ZDHHC14: variants seen among roughly 807,000 people sequenced by gnomAD.
ZDHHC14 encodes palmitoyltransferase ZDHHC14.
In ZDHHC14, 16 loss-of-function variants were observed where a neutral mutation model predicts 47.7. That is an observed-to-expected ratio of 0.34 (90% CI 0.23 to 0.51). The LOEUF (loss-of-function observed/expected upper bound fraction) is 0.51. ZDHHC14 is among the 20% of genes least tolerant of loss of function. The probability of loss-of-function intolerance (pLI) is 0.97; values close to 1 mark genes in which losing one functional copy is unlikely to be tolerated. For missense variants in ZDHHC14, 515 were observed against 662.5 expected (o/e 0.78, Z 2.44); for synonymous variants, 293 against 278.9 (o/e 1.05, Z -0.50).
At chr6:157,395,454 C>T (rs955090682) in intron 1 of ZDHHC14, among the ~76,000 whole-genome samples, 8 of 151,912 alleles carry the variant, frequency 5.3e-5, no homozygotes, top group Non-Finnish European at 1.2e-4. Flanking sequence ...GTGTGAGCCA[C>T]CACACCTAGC....
At chr6:157,399,531 C>T (rs960676491) in intron 1 of ZDHHC14, among the ~76,000 whole-genome samples, 1 of 152,190 alleles carries the variant, frequency 6.6e-6, no homozygotes, top group African/African-American at 2.4e-5. Context: ...GACACAAAAA[C>T]AGTTGTTGTT....
chr6:157,632,774 G>C, intron 4 of ZDHHC14, 60 bp from the exon 5 acceptor site: 1 of 1,468,102 alleles, frequency 6.8e-7, no homozygotes, highest in Non-Finnish European at 9.6e-7. Context: ...GTAGATGAGA[G>C]AGCATTCAGC....
intron 1 of ZDHHC14, among the ~76,000 whole-genome samples, chr6:157,421,492 C>CAAAAA (rs147380621): frequency 8.8e-5 from 5 of 56,702 alleles, no homozygotes; most frequent in Admixed American, 2.8e-4. Flanking sequence ...GACTCCGTCT[C>CAAAAA]AAAAAAAAAA....
At chr6:157,491,721 C>T (rs1779921505) in intron 1 of ZDHHC14, among the ~76,000 whole-genome samples, 1 of 152,324 alleles carries the variant, frequency 6.6e-6, no homozygotes, top group Admixed American at 6.5e-5. Flanking sequence ...TTGAGTCTCA[C>T]TAACAGGACG....
intron 2 of ZDHHC14, among the ~76,000 whole-genome samples, chr6:157,560,285 C>G (rs546610341): frequency 5.9e-5 from 9 of 152,366 alleles, no homozygotes; most frequent in African/African-American, 2.2e-4. Flanking sequence ...AGCTACAGTA[C>G]ACCTTCTTCA....
At position 157,674,574 on chromosome 6, in the gene ZDHHC14, G is replaced by A. The variant is rs1185874682; in HGVS notation, c.*1452G>A. On this transcript the variant is annotated 3_prime_UTR_variant, in exon 9 of 9. Transcript: ENST00000359775. Reference sequence around the variant, plus strand: ...AAATCTAACAGCTAAAGCTACTCAAGTTCAAAGCCATGGCCTTGCTCCTTA... The same window carrying A: ...AAATCTAACAGCTAAAGCTACTCAAATTCAAAGCCATGGCCTTGCTCCTTA... The A allele has an allele frequency of 6.6e-6, 1 of 152,166 alleles. No homozygotes were observed. Among genetic ancestry groups the A allele is most frequent in the Admixed American group, 6.5e-5 (1 of 15,274 alleles). The allele number at this position is 152,166 out of a possible 1,614,324, so 9.4% of individuals were successfully genotyped here.
chr6:157,553,068 G>A (rs1422119361), intron 2 of ZDHHC14, among the ~76,000 whole-genome samples: 2 of 152,224 alleles, frequency 1.3e-5, no homozygotes, highest in Non-Finnish European at 2.9e-5. Flanking sequence ...GCAAGGAACA[G>A]TGGGAATTTA....
At chr6:157,453,591 A>G (rs1319213275) in intron 1 of ZDHHC14, among the ~76,000 whole-genome samples, 1 of 152,220 alleles carries the variant, frequency 6.6e-6, no homozygotes, top group Non-Finnish European at 1.5e-5. Context: ...TCATTCATAC[A>G]GTGAATGTTT....
At position 157,536,893 on chromosome 6, in the gene ZDHHC14, A is replaced by G. The variant is rs1202267290; in HGVS notation, c.246-5692A>G. On this transcript the variant is annotated intron_variant, in intron 1 of 8. Coordinates refer to ENST00000359775, the MANE Select transcript of ZDHHC14 (RefSeq NM_024630.3). ...GAGTGCAGTGGCGGGATCTCGGCTC[A>G]CTGCAAGCTCCGCCTCCCGGGTTCA... Among the ~76,000 whole-genome samples the G allele has an allele frequency of 1.2e-4, 12 of 101,056 alleles. 3 individuals are homozygous for G. In the South Asian group the frequency reaches 3.8e-3, roughly 32 times the overall value. 66.3% of individuals were successfully genotyped at this position (101,056 alleles called of 152,430 possible). A position where few individuals can be genotyped will look rare whatever the true frequency, so the allele number is the denominator to read the frequency against.
At position 157,676,780 on chromosome 6, in the gene ZDHHC14, TTC is replaced by T. The variant is rs1778977144; in HGVS notation, c.*3662_*3663del. On this transcript the variant is annotated 3_prime_UTR_variant, in exon 9 of 9. Transcript: ENST00000359775. ...CACCTGACTACCCTGCAGCAAACGC[TTC>T]TCTGTAACCTGACTTCTCCCTTCAG... 1 of 152,318 alleles carries T rather than the reference TTC, an allele frequency of 6.6e-6. No individual in the cohort carries two copies. Among genetic ancestry groups the T allele is most frequent in the Non-Finnish European group, 1.5e-5 (1 of 68,118 alleles). 9.4% of individuals were successfully genotyped at this position (152,318 alleles called of 1,614,324 possible). A position where few individuals can be genotyped will look rare whatever the true frequency, so the allele number is the denominator to read the frequency against.
chr6:157,529,280 A>G (rs1781281130), intron 1 of ZDHHC14: 1 of 154,480 alleles, frequency 6.5e-6, no homozygotes, highest in African/African-American at 2.4e-5. Flanking sequence ...GGAATTTTAG[A>G]AAGTTTATCT....
intron 1 of ZDHHC14, among the ~76,000 whole-genome samples, chr6:157,456,415 C>T (rs953653182): frequency 6.6e-6 from 1 of 152,176 alleles, no homozygotes; most frequent in Non-Finnish European, 1.5e-5. Context: ...TCCAGGCTCT[C>T]CCTAGTCATA....
intron 3 of ZDHHC14, among the ~76,000 whole-genome samples, chr6:157,608,943 C>T (rs1287457682): frequency 2.0e-5 from 3 of 152,144 alleles, no homozygotes; most frequent in African/African-American, 7.2e-5. Context: ...AGCCAAAGAA[C>T]TGACAGGACT....
intron 2 of ZDHHC14, among the ~76,000 whole-genome samples, chr6:157,572,769 A>T (rs1308895864): frequency 6.6e-6 from 1 of 151,142 alleles, no homozygotes; most frequent in Non-Finnish European, 1.5e-5. Flanking sequence ...TGCCTAATAA[A>T]TATTTGAATG....
In ZDHHC14 at chr6:157,382,016, T is replaced by G; in HGVS notation, c.-6T>G. On this transcript the variant is annotated 5_prime_UTR_variant, in exon 1 of 9. Transcript: ENST00000359775. ...GGTGTGCGCCCCCAGCCGGCTGCCC[T>G]CGTGGATGCCTCCCGGCGGCGGCGG... The G allele has an allele frequency of 2.0e-6, 3 of 1,483,790 alleles. No individual in the cohort carries two copies. The highest frequency in any genetic ancestry group is 2.7e-6 in the Non-Finnish European group (3 of 1,117,174). 91.9% of individuals were successfully genotyped at this position (1,483,790 alleles called of 1,614,324 possible).
At position 157,493,633 on chromosome 6, in the gene ZDHHC14, C is replaced by T. The variant is rs139488630; in HGVS notation, c.246-48952C>T. 2.9e-3 allele frequency among the ~76,000 whole-genome samples: 443 copies of T among 152,378 alleles called. 4 individuals are homozygous for T. The highest frequency in any genetic ancestry group is 1.0e-2 in the African/African-American group (415 of 41,594). On this transcript the variant is annotated intron_variant, in intron 1 of 8. Transcript: ENST00000359775. ...CACATCCGTGACAGTGGGATGGACA[C>T]CATCAGGATGGGTGCTGTGTGGGCA...
At chr6:157,433,996 A>T (rs1368545584) in intron 1 of ZDHHC14, among the ~76,000 whole-genome samples, 1 of 152,198 alleles carries the variant, frequency 6.6e-6, no homozygotes, top group East Asian at 1.9e-4. Context: ...CTAAGTGTAC[A>T]CATCATAAAT....
chr6:157,384,568 T>G (rs2800443), intron 1 of ZDHHC14, among the ~76,000 whole-genome samples: 128,711 of 152,228 alleles, frequency 0.85, 54,702 homozygotes, highest in Middle Eastern at 0.95. Flanking sequence ...CTCTCCATGG[T>G]TGTTGCTTCA....
intron 1 of ZDHHC14, among the ~76,000 whole-genome samples, chr6:157,451,379 G>A (rs1778799593): frequency 6.6e-6 from 1 of 152,184 alleles, no homozygotes; most frequent in Admixed American, 6.5e-5. Flanking sequence ...TAAAAGCAGC[G>A]TCATCCTAAG....
Sources: gnomAD v4.1 joint callset for allele counts (sites outside exome capture counted in the v4.1 genomes callset) on GRCh38, gnomAD v4.1.1 for gene constraint, MANE v1.5 for transcripts, NCBI Gene and HGNC (gene_info 2026-07-23, HGNC 2026-07-21) for gene names.